TBXAS1: variants seen among roughly 807,000 people sequenced by gnomAD.
TBXAS1 encodes the protein thromboxane-A synthase.
TBXAS1 carries 48 observed loss-of-function variants against 60.7 expected under a neutral mutation model. The ratio of observed to expected loss-of-function variants is 0.79; its 90% CI spans 0.63 to 1.01. The LOEUF (loss-of-function observed/expected upper bound fraction) is 1.01. Among genes scored for constraint, TBXAS1 ranks in the 50% least tolerant of loss-of-function variants. TBXAS1 has a pLI of 0.00. For missense variants in TBXAS1, 685 were observed against 686.3 expected, an observed-to-expected ratio of 1.00 and a Z score of 0.02; for synonymous variants, 287 against 269.7, an observed-to-expected ratio of 1.06 and a Z score of -0.63.
intron 1 of TBXAS1, among the ~76,000 whole-genome samples, chr7:139,849,557 C>CCA (rs1472412370): frequency 2.0e-5 from 3 of 151,966 alleles, no homozygotes; most frequent in Non-Finnish European, 2.9e-5. Flanking sequence ...AGTGTAGGGG[C>CCA]CAGGTTGGTC....
At chr7:139,817,303 C>A (rs146445928) in intron 4 of TBXAS1, among the ~76,000 whole-genome samples, 4 of 152,052 alleles carry the variant, frequency 2.6e-5, no homozygotes, top group Non-Finnish European at 5.9e-5. Flanking sequence ...GACACATGCA[C>A]GCTGCCCACC....
At chr7:139,874,981 GC>G (rs1240203140) in intron 2 of TBXAS1, among the ~76,000 whole-genome samples, 2 of 152,152 alleles carry the variant, frequency 1.3e-5, no homozygotes, top group East Asian at 3.8e-4. Context: ...TGTAATCCCA[GC>G]TACTCAGGAG....
Position 140,020,197 on chromosome 7 carries a change from T to A in TBXAS1, c.*98T>A. 2 of 1,138,846 alleles carry A rather than the reference T, an allele frequency of 1.8e-6. No individual in the cohort carries two copies. The highest frequency in any genetic ancestry group is 2.6e-6 in the Non-Finnish European group (2 of 754,794). 70.5% of individuals were successfully genotyped at this position (1,138,846 alleles called of 1,614,324 possible). On this transcript the variant is annotated 3_prime_UTR_variant, in exon 13 of 13. Coordinates refer to ENST00000448866, the MANE Select transcript of TBXAS1 (RefSeq NM_001061.7). The stretch of plus-strand genomic sequence containing the variant: ...TTTGGAAAAATGTCACTGAAGTGAT[T>A]GAAAGAGTGCCTGGCATGCAAGGAT...
At chr7:139,987,573 G>T (rs1326820134) in intron 9 of TBXAS1, among the ~76,000 whole-genome samples, 1 of 152,086 alleles carries the variant, frequency 6.6e-6, no homozygotes, top group African/African-American at 2.4e-5. Context: ...TCAGCACCAC[G>T]CATGTCCCAT....
rs149759095 is a variant in TBXAS1, at chr7:139,962,098, C to T, written c.999C>T (p.Gly333=). ...CTTTGACTGTGGATGAGATTGTGGG[C>T]CAGGCCTTCATCTTCCTCATCGCTG... ...ARPLTVDEIV[G]QAFIFLIAGY... is the part of the protein sequence containing the mutation. Residue 333 remains glycine (G), a synonymous_variant, in exon 9 of 13, where the codon GGC becomes GGT. Coordinates refer to ENST00000448866, the MANE Select transcript of TBXAS1 (RefSeq NM_001061.7). The T allele has an allele frequency of 3.0e-4, 487 of 1,614,220 alleles. 6 individuals are homozygous for T. In the East Asian group the frequency reaches 9.0e-3, roughly 30 times the overall value.
chr7:139,991,734 T>C (rs1344296253), intron 9 of TBXAS1, among the ~76,000 whole-genome samples: 1 of 152,178 alleles, frequency 6.6e-6, no homozygotes, highest in Non-Finnish European at 1.5e-5. Flanking sequence ...AATCACCCTT[T>C]TGGGGTTTTG....
At chr7:139,829,728 A>G (rs1319494057) in intron 1 of TBXAS1, among the ~76,000 whole-genome samples, 1 of 152,238 alleles carries the variant, frequency 6.6e-6, no homozygotes, top group Non-Finnish European at 1.5e-5. Context: ...TTAAGTTTGA[A>G]AGAGATGGAA....
intron 9 of TBXAS1, among the ~76,000 whole-genome samples, chr7:139,997,534 T>C (rs1813382373): frequency 6.6e-6 from 1 of 152,116 alleles, no homozygotes; most frequent in Non-Finnish European, 1.5e-5. Flanking sequence ...TAATTAGATG[T>C]GTTTTATTTG....
chr7:139,822,559 G>A (rs80181173), intron 4 of TBXAS1, among the ~76,000 whole-genome samples: 15,225 of 152,162 alleles, frequency 0.1, 912 homozygotes, highest in Non-Finnish European at 0.13. Flanking sequence ...AAGAGGCCTC[G>A]TGCTCAGCGT....
At chr7:139,841,222 G>C (rs1342217175) in intron 1 of TBXAS1, among the ~76,000 whole-genome samples, 3 of 152,216 alleles carry the variant, frequency 2.0e-5, no homozygotes, top group Admixed American at 6.5e-5. Context: ...TGGATCGCCA[G>C]CCAGTCAGAC....
chr7:139,888,580 C>A (rs1803296703), intron 3 of TBXAS1, among the ~76,000 whole-genome samples: 1 of 152,138 alleles, frequency 6.6e-6, no homozygotes, highest in Admixed American at 6.5e-5. Flanking sequence ...ATATTGAATT[C>A]CCCTCTTGTA....
At chr7:139,809,081 G>C (rs1408682928) in intron 4 of TBXAS1, among the ~76,000 whole-genome samples, 1 of 151,534 alleles carries the variant, frequency 6.6e-6, no homozygotes, top group Non-Finnish European at 1.5e-5. Context: ...TGTGGCTATA[G>C]AATGCAAATT....
intron 3 of TBXAS1, among the ~76,000 whole-genome samples, chr7:139,883,086 C>T (rs974214870): frequency 6.6e-6 from 1 of 152,122 alleles, no homozygotes; most frequent in Admixed American, 6.5e-5. Flanking sequence ...AAGTTGTCCA[C>T]AGGACAACTA....
At chr7:139,823,471 C>G (rs1208066007) in intron 4 of TBXAS1, among the ~76,000 whole-genome samples, 1 of 152,130 alleles carries the variant, frequency 6.6e-6, no homozygotes, top group African/African-American at 2.4e-5. Flanking sequence ...AGAGACTGGA[C>G]TGCATTGGGG....
intron 3 of TBXAS1, among the ~76,000 whole-genome samples, chr7:139,880,404 A>C (rs897523279): frequency 2.0e-5 from 3 of 152,130 alleles, no homozygotes; most frequent in African/African-American, 7.2e-5. Context: ...GCATAACCTC[A>C]TATACTCCCA....
At chr7:139,942,136 A>G (rs1253481476) in intron 5 of TBXAS1, among the ~76,000 whole-genome samples, 2 of 152,250 alleles carry the variant, frequency 1.3e-5, no homozygotes, top group East Asian at 3.8e-4. Flanking sequence ...AAAGGCATCT[A>G]AACTGTACTT....
chr7:139,984,757 A>AGG, intron 9 of TBXAS1, among the ~76,000 whole-genome samples: 1 of 118,230 alleles, frequency 8.5e-6, no homozygotes, highest in Non-Finnish European at 1.8e-5. Context: ...GAAAAGAAAG[A>AGG]AAGAAAGCAG....
At chr7:139,907,354 C>G (rs1485195288) in intron 3 of TBXAS1, among the ~76,000 whole-genome samples, 1 of 152,064 alleles carries the variant, frequency 6.6e-6, no homozygotes, top group Admixed American at 6.5e-5. Context: ...ATTGAATCAG[C>G]CTTGGACACC....
intron 3 of TBXAS1, among the ~76,000 whole-genome samples, chr7:139,889,002 G>T (rs1223142888): frequency 6.6e-6 from 1 of 152,004 alleles, no homozygotes; most frequent in Non-Finnish European, 1.5e-5. Flanking sequence ...TAGATTATCA[G>T]AAATGGAAGG....
Sources: gnomAD v4.1 joint callset for allele counts (sites outside exome capture counted in the v4.1 genomes callset) on GRCh38, gnomAD v4.1.1 for gene constraint, MANE v1.5 for transcripts, NCBI Gene and HGNC (gene_info 2026-07-23, HGNC 2026-07-21) for gene names.